The following ASXL1 variants were observed in gnomAD, a reference collection of about 807,000 sequenced individuals.
The protein encoded by ASXL1 is polycomb group protein ASXL1.
ASXL1 carries 65 observed loss-of-function variants against 89.1 expected under a neutral mutation model. The ratio of observed to expected loss-of-function variants is 0.73; its 90% CI spans 0.60 to 0.90. The LOEUF is 0.90. Among genes scored for constraint, ASXL1 ranks in the 40% least tolerant of loss-of-function variants. The pLI is 0.00. For synonymous variants in ASXL1, 739 were observed against 746.9 expected (o/e 0.99, Z 0.17); for missense variants, 1,786 against 1,942.9 (o/e 0.92, Z 1.52).
At chr20:32,422,121 C>T (rs1299076846) in intron 4 of ASXL1, among the ~76,000 whole-genome samples, 4 of 149,728 alleles carry the variant, frequency 2.7e-5, no homozygotes, top group Admixed American at 2.7e-4. Context: ...CCTCGTGATC[C>T]GCCTGCCTTG....
At chr20:32,424,932 C>T (rs1393118448) in intron 4 of ASXL1, among the ~76,000 whole-genome samples, 1 of 152,178 alleles carries the variant, frequency 6.6e-6, no homozygotes, top group Non-Finnish European at 1.5e-5. Flanking sequence ...CAGCCAGGCG[C>T]ACCTCCCCTA....
At position 32,434,417 on chromosome 20, in the gene ASXL1, ATTCTTTTTTTGCAGATTCAACT is replaced by A; in HGVS notation, c.1720-11_1730del. ...CCCAGTCAGTTAAAACTATTTTCTA[ATTCTTTTTTTGCAGATTCAACT>A]TTCACGTATCAAACCACCCTGGGTG... On this transcript the variant is annotated splice_acceptor_variant and splice_polypyrimidine_tract_variant and coding_sequence_variant and intron_variant, in exon 13 of 13. Transcript: ENST00000375687. LOFTEE classifies it high-confidence loss of function. The A allele has an allele frequency of 6.2e-7, 1 of 1,613,636 alleles. No individual in the cohort carries two copies. Among genetic ancestry groups the A allele is most frequent in the Non-Finnish European group, 8.5e-7 (1 of 1,179,972 alleles).
chr20:32,359,359 A>T (rs2048070234), intron 1 of ASXL1: 4 of 702,228 alleles, frequency 5.7e-6, no homozygotes, highest in Non-Finnish European at 1.0e-5. Context: ...GCAAGTGCTT[A>T]CTCCCAGCTT....
chr20:32,392,359 C>T (rs528923574), intron 4 of ASXL1, among the ~76,000 whole-genome samples: 7 of 151,098 alleles, frequency 4.6e-5, no homozygotes, highest in East Asian at 2.0e-4. Context: ...CTTGGCTCAC[C>T]GCAGCCTCTG....
rs184044372 is a variant in ASXL1, at chr20:32,389,234, T to G, written c.252+20111T>G. Among the ~76,000 whole-genome samples the G allele has an allele frequency of 3.3e-5, 5 of 152,372 alleles. No homozygotes were observed. The East Asian group carries it at 9.6e-4, about 29-fold the overall frequency. ...ATCATACTGGTGGATGTATTTTCTC[T>G]GATTTGCTGCTTTTGCCTCTCATTT... On this transcript the variant is annotated intron_variant, in intron 4 of 12. Transcript: ENST00000375687.
chr20:32,393,719 C>T (rs1053607346), intron 4 of ASXL1, among the ~76,000 whole-genome samples: 38 of 152,156 alleles, frequency 2.5e-4, no homozygotes, highest in African/African-American at 8.9e-4. Flanking sequence ...ATCCGCCCAC[C>T]TCAGCCTCCC....
At position 32,428,454 on chromosome 20, in the gene ASXL1, A is replaced by G. The variant is rs779143933; in HGVS notation, c.471+32A>G. On this transcript the variant is annotated intron_variant, in intron 6 of 12. Transcript: ENST00000375687. ...AAGAGGTAGAGCCTAGCCTGGGAGG[A>G]TGAATGATGACAGGTATAAGGCAAG... 4.6e-5 allele frequency: 72 copies of G among 1,563,604 alleles called. No individual in the cohort carries two copies. In the South Asian group the frequency reaches 7.6e-4, roughly 16 times the overall value.
At chr20:32,375,621 G>T (rs1448083228) in intron 4 of ASXL1, among the ~76,000 whole-genome samples, 4 of 151,794 alleles carry the variant, frequency 2.6e-5, no homozygotes, top group Admixed American at 6.6e-5. Flanking sequence ...ATCCAATCAT[G>T]ATATTTTTGA....
At chr20:32,425,122 G>A (rs1030592945) in intron 4 of ASXL1, among the ~76,000 whole-genome samples, 1 of 152,214 alleles carries the variant, frequency 6.6e-6, no homozygotes, top group African/African-American at 2.4e-5. Flanking sequence ...CATCAACTAT[G>A]CATTATTTTG....
intron 1 of ASXL1, among the ~76,000 whole-genome samples, chr20:32,363,774 C>G (rs187566146): frequency 4.6e-5 from 7 of 152,266 alleles, no homozygotes; most frequent in African/African-American, 1.7e-4. Context: ...TAAGCAGGAG[C>G]TGGTGACAAC....
chr20:32,412,805 C>T (rs1022841006), intron 4 of ASXL1, among the ~76,000 whole-genome samples: 25 of 151,976 alleles, frequency 1.6e-4, no homozygotes, highest in African/African-American at 5.1e-4. Flanking sequence ...GTGATCCTCC[C>T]GCCTTGCCAT....
intron 4 of ASXL1, among the ~76,000 whole-genome samples, chr20:32,420,124 TA>T (rs913206706): frequency 6.6e-6 from 1 of 152,118 alleles, no homozygotes; most frequent in Admixed American, 6.5e-5. Context: ...ATCTTTAATG[TA>T]AATAATTATG....
intron 4 of ASXL1, among the ~76,000 whole-genome samples, chr20:32,382,387 A>G (rs2122936377): frequency 6.6e-6 from 1 of 152,196 alleles, no homozygotes; most frequent in South Asian, 2.1e-4. Context: ...TTGCTGAAGG[A>G]AAAAACTGAA....
intron 4 of ASXL1, among the ~76,000 whole-genome samples, chr20:32,399,419 G>A (rs1220067027): frequency 6.7e-6 from 1 of 149,292 alleles, no homozygotes; most frequent in East Asian, 1.9e-4. Flanking sequence ...ATGCCAGTAT[G>A]GTTTTTCTTG....
At position 32,372,382 on chromosome 20, in the gene ASXL1, A is replaced by G. The variant is rs1250728739; in HGVS notation, c.252+3259A>G. 10 of 1,136,946 alleles carry G rather than the reference A, an allele frequency of 8.8e-6. No homozygotes were observed. In the South Asian group the frequency reaches 1.1e-4, roughly 13 times the overall value. The allele number at this position is 1,136,946 out of a possible 1,614,324, so 70.4% of individuals were successfully genotyped here. ...TCTTGTTCATTGGCCTTTTACATCC[A>G]TAGGCATCACTTCTCTGATATTCGT... is the stretch of plus-strand genomic sequence containing the variant. On this transcript the variant is annotated intron_variant, in intron 4 of 12. Coordinates refer to ENST00000375687, the MANE Select transcript of ASXL1 (RefSeq NM_015338.6).
At position 32,433,869 on chromosome 20, in the gene ASXL1, C is replaced by A. The variant is rs372630902; in HGVS notation, c.1671C>A (p.Thr557=). 1 of 1,613,804 alleles carries A rather than the reference C, an allele frequency of 6.2e-7. No homozygotes were observed. The highest frequency in any genetic ancestry group is 8.5e-7 in the Non-Finnish European group (1 of 1,180,018). ...SFRNTIESVH[T]EKPQPTKEEP... is the part of the protein sequence containing the mutation. ...GTAACACAATTGAAAGTGTTCACAC[C>A]GAAAAGCCACAGCCCACTAAAGAGG... The change falls in exon 12 of 13, where the codon ACC becomes ACA. Residue 557 remains threonine (T), a synonymous_variant. Transcript: ENST00000375687.
intron 4 of ASXL1, among the ~76,000 whole-genome samples, chr20:32,387,049 A>G (rs185734859): frequency 2.1e-4 from 32 of 152,142 alleles, no homozygotes; most frequent in African/African-American, 7.7e-4. Flanking sequence ...GCAGTGGCTC[A>G]TGCACTTTGT....
intron 4 of ASXL1, among the ~76,000 whole-genome samples, chr20:32,384,429 C>G (rs1376122103): frequency 6.6e-6 from 1 of 151,994 alleles, no homozygotes; most frequent in East Asian, 1.9e-4. Context: ...CTCCTAACCT[C>G]AAGTGATCCA....
At chr20:32,434,193 C>G in intron 12 of ASXL1, 1 of 692,978 alleles carries the variant, frequency 1.4e-6, no homozygotes, top group South Asian at 1.9e-5. Context: ...GCTATAGTGA[C>G]TCACACAGTC....
Sources: gnomAD v4.1 joint callset for allele counts (sites outside exome capture counted in the v4.1 genomes callset) on GRCh38, gnomAD v4.1.1 for gene constraint, MANE v1.5 for transcripts, NCBI Gene and HGNC (gene_info 2026-07-23, HGNC 2026-07-21) for gene names.